The following PLSCR5 variants were observed in gnomAD, a reference collection of about 807,000 sequenced individuals.
PLSCR5 encodes phospholipid scramblase family, member 5.
PLSCR5 carries 44 observed loss-of-function variants against 33.6 expected under a neutral mutation model. That is an observed-to-expected ratio of 1.31 (90% confidence interval 1.03 to 1.69). The LOEUF (loss-of-function observed/expected upper bound fraction) is 1.69. PLSCR5 is among the 40% of genes most tolerant of loss of function. The pLI is 0.00. For missense variants in PLSCR5, 375 were observed against 318.7 expected (o/e 1.18, Z -1.34); for synonymous variants, 148 against 112.3 (o/e 1.32, Z -2.01).
At chr3:146,597,567 T>C (rs186519647) in intron 2 of PLSCR5, among the ~76,000 whole-genome samples, 3 of 152,266 alleles carry the variant, frequency 2.0e-5, no homozygotes, top group Admixed American at 2.0e-4. Context: ...TGTGAAAAAA[T>C]CTCCTGGATT....
At position 146,586,038 on chromosome 3, in the gene PLSCR5, G is replaced by A; in HGVS notation, c.*36C>T. The A allele has an allele frequency of 6.8e-7, 1 of 1,469,306 alleles. No homozygotes were observed. The allele number at this position is 1,469,306 out of a possible 1,614,324, so 91.0% of individuals were successfully genotyped here. ...ACTTGCTTTTTACTTACTGAAATATGTTCTGCATATTTTATTGTTTTCATT... is the reference window on the plus strand; with the variant it reads ...ACTTGCTTTTTACTTACTGAAATATATTCTGCATATTTTATTGTTTTCATT... On this transcript the variant is annotated 3_prime_UTR_variant, in exon 7 of 8. Coordinates refer to ENST00000443512, the MANE Select transcript of PLSCR5 (RefSeq NM_001085420.2).
intron 2 of PLSCR5, among the ~76,000 whole-genome samples, chr3:146,598,137 T>C (rs932304864): frequency 1.3e-4 from 20 of 152,278 alleles, no homozygotes; most frequent in African/African-American, 4.8e-4. Flanking sequence ...TGGACTTGAT[T>C]AAAAGAGAAT....
At chr3:146,577,586 A>T (rs2044607084) in intron 7 of PLSCR5, among the ~76,000 whole-genome samples, 1 of 152,100 alleles carries the variant, frequency 6.6e-6, no homozygotes, top group Non-Finnish European at 1.5e-5. Flanking sequence ...CCTTAGAAAA[A>T]TAGGAATATA....
intron 7 of PLSCR5, among the ~76,000 whole-genome samples, chr3:146,578,514 T>A (rs1359485578): frequency 6.6e-6 from 1 of 152,130 alleles, no homozygotes; most frequent in Non-Finnish European, 1.5e-5. Flanking sequence ...CCTTGTGCCA[T>A]TTCCTGCCCA....
At chr3:146,591,386 A>G (rs922127057) in intron 5 of PLSCR5, among the ~76,000 whole-genome samples, 10 of 152,056 alleles carry the variant, frequency 6.6e-5, no homozygotes, top group Non-Finnish European at 1.5e-4. Flanking sequence ...TGTCCATAGA[A>G]CACATAGAAT....
chr3:146,597,914 A>G (rs1240899917), intron 2 of PLSCR5, among the ~76,000 whole-genome samples: 1 of 152,272 alleles, frequency 6.6e-6, no homozygotes, highest in East Asian at 1.9e-4. Flanking sequence ...TGTTTTGTAG[A>G]CTTTAACTCA....
intron 2 of PLSCR5, among the ~76,000 whole-genome samples, chr3:146,598,669 C>T (rs1358087645): frequency 2.0e-5 from 3 of 152,188 alleles, no homozygotes; most frequent in Non-Finnish European, 2.9e-5. Context: ...AACCTCAGCC[C>T]TCTGGCACTG....
Position 146,580,779 on chromosome 3 carries a change from T to A in PLSCR5, c.*45-4054A>T, listed in dbSNP as rs559158993. ...CGCCTGCCCCGCATTTACTTTTATATCTGCCTGGTACACTCTTTTCCTAAA... is the reference window on the plus strand; with the variant it reads ...CGCCTGCCCCGCATTTACTTTTATAACTGCCTGGTACACTCTTTTCCTAAA... On this transcript the variant is annotated intron_variant, in intron 7 of 7. Transcript: ENST00000482567. 9.2e-5 allele frequency among the ~76,000 whole-genome samples: 14 copies of A among 152,234 alleles called. No individual in the cohort carries two copies. In the South Asian group the frequency reaches 2.9e-3, roughly 32 times the overall value.
At chr3:146,593,874 T>A in intron 4 of PLSCR5, 46 bp downstream of exon 4, 1 of 1,548,736 alleles carries the variant, frequency 6.5e-7, no homozygotes, top group Non-Finnish European at 8.9e-7. Flanking sequence ...AAGAAACAAA[T>A]GCTAATCTTA....
intron 2 of PLSCR5, among the ~76,000 whole-genome samples, chr3:146,599,679 CTTTTTTT>C (rs34180865): frequency 7.2e-6 from 1 of 139,218 alleles, no homozygotes; most frequent in Non-Finnish European, 1.5e-5. Context: ...CTTTTCTTTT[CTTTTTTT>C]TTTTTTTTCC....
chr3:146,589,539 G>T, intron 6 of PLSCR5, 114 bp downstream of exon 6: 1 of 1,049,580 alleles, frequency 9.5e-7, no homozygotes, highest in Non-Finnish European at 1.3e-6. Context: ...ATCCTTCTAT[G>T]AATAAAATAT....
downstream of PLSCR5, among the ~76,000 whole-genome samples, chr3:146,581,572 G>T (rs1411049700): frequency 6.6e-6 from 1 of 152,176 alleles, no homozygotes; most frequent in Non-Finnish European, 1.5e-5. Flanking sequence ...GTACATAGAA[G>T]TGGTTTCAAA....
chr3:146,578,844 A>G (rs2044615586), intron 7 of PLSCR5, among the ~76,000 whole-genome samples: 1 of 152,122 alleles, frequency 6.6e-6, no homozygotes, highest in Non-Finnish European at 1.5e-5. Context: ...TATATTTATA[A>G]TTAAATCAAA....
chr3:146,580,557 C>G (rs1054361690), intron 7 of PLSCR5, among the ~76,000 whole-genome samples: 2 of 148,596 alleles, frequency 1.3e-5, no homozygotes, highest in Non-Finnish European at 3.0e-5. Context: ...CTCGGCCTCC[C>G]GGGTTCAAGC....
chr3:146,587,540 T>G (rs1560106024), intron 6 of PLSCR5, among the ~76,000 whole-genome samples: 1 of 151,816 alleles, frequency 6.6e-6, no homozygotes, highest in Non-Finnish European at 1.5e-5. Context: ...AAAGGGTGTG[T>G]GTGTGGAGGG....
chr3:146,585,804 G>A (rs2044661523), downstream of PLSCR5: 2 of 245,344 alleles, frequency 8.2e-6, no homozygotes, highest in Non-Finnish European at 1.6e-5. Flanking sequence ...CAGTAATCAC[G>A]TATTTAGCTA....
At chr3:146,581,721 G>A (rs2044633659), downstream of PLSCR5, among the ~76,000 whole-genome samples, 1 of 152,166 alleles carries the variant, frequency 6.6e-6, no homozygotes, top group Non-Finnish European at 1.5e-5. Context: ...TAATGCCTAT[G>A]TTAATTAGCT....
At chr3:146,600,534 T>A in intron 1 of PLSCR5, 71 bp from the exon 2 acceptor site, 1 of 1,314,032 alleles carries the variant, frequency 7.6e-7, no homozygotes, top group Non-Finnish European at 1.0e-6. Flanking sequence ...TTAAAGTATT[T>A]GTTACTTCTT....
At chr3:146,603,790 A>G (rs1319700373) in intron 1 of PLSCR5, among the ~76,000 whole-genome samples, 1 of 152,154 alleles carries the variant, frequency 6.6e-6, no homozygotes, top group Non-Finnish European at 1.5e-5. Flanking sequence ...ATTTTGGACT[A>G]AATAGTAGTG....
Sources: allele counts gnomAD v4.1 joint callset (sites outside exome capture counted in the v4.1 genomes callset), GRCh38; gene constraint gnomAD v4.1.1; transcripts MANE v1.5; gene names NCBI Gene and HGNC (gene_info 2026-07-23, HGNC 2026-07-21).